Variants in ZNF606 observed in about 807,000 individuals in gnomAD.
ZNF606 encodes zinc finger protein 606.
Under a neutral mutation model 74.9 loss-of-function variants are expected in ZNF606, and 37 were observed. That is an observed-to-expected ratio of 0.49 (90% CI 0.38 to 0.65). The LOEUF (loss-of-function observed/expected upper bound fraction) is 0.65, where lower values mean the gene tolerates loss of function less well. Among genes scored for constraint, ZNF606 ranks in the 30% least tolerant of loss-of-function variants. The probability of loss-of-function intolerance (pLI) is 0.00; values close to 1 mark genes in which losing one functional copy is unlikely to be tolerated. For synonymous variants in ZNF606, 328 were observed against 312.4 expected (o/e 1.05, Z -0.53); for missense variants, 852 against 952.9 (o/e 0.89, Z 1.39).
At chr19:57,983,950 C>A (rs2073127741) in intron 6 of ZNF606, among the ~76,000 whole-genome samples, 1 of 152,170 alleles carries the variant, frequency 6.6e-6, no homozygotes, top group African/African-American at 2.4e-5. Context: ...TGACAGGGAT[C>A]TCATAATCAA....
rs2073020600 is a variant in ZNF606 at position 57,978,328 on chromosome 19, T to C, written c.2352A>G (p.Arg784=). The C allele has an allele frequency of 6.4e-7, 1 of 1,572,832 alleles. No homozygotes were observed. The highest frequency in any genetic ancestry group is 1.9e-5 in the Admixed American group (1 of 52,340). The change falls in exon 7 of 7, where the codon AGA becomes AGG. Residue 784 remains arginine, a synonymous_variant. Coordinates refer to ENST00000551380, the MANE Select transcript of ZNF606 (RefSeq NM_001348022.3). This position sits in a 1 kb window ranked among gnomAD's most constrained non-coding sequence, Gnocchi z 4.4. ...SGHSALLQHQ[R]NHSEEKLN is the part of the protein sequence containing the mutation. ...AATTCAGTTTCTCTTCACTGTGATT[T>C]CTCTGGTGTTGAAGTAGGGCTGAGT...
intron 6 of ZNF606, among the ~76,000 whole-genome samples, chr19:57,987,565 T>C (rs1033719214): frequency 2.0e-5 from 3 of 152,238 alleles, no homozygotes; most frequent in East Asian, 3.9e-4. Context: ...CGGTGGCTCA[T>C]GCCTGTAATC....
rs1345328826 is a variant in ZNF606 at position 57,978,982 on chromosome 19, T to C, written c.1698A>G (p.Lys566=). 6.2e-7 allele frequency: 1 copy of C among 1,613,992 alleles called. No individual in the cohort carries two copies. Among genetic ancestry groups the C allele is most frequent in the African/African-American group, 1.3e-5 (1 of 74,892 alleles). ...SKHERTHSGA[K]PYKCTECGKS... is the part of the protein sequence containing the mutation. ...TTCCACATTCAGTACATTTATATGG[T>C]TTTGCTCCAGAATGAGTTCTTTCAT... Residue 566 remains lysine (K), a synonymous_variant, in exon 7 of 7, where the codon AAA becomes AAG. Coordinates refer to ENST00000551380, the MANE Select transcript of ZNF606 (RefSeq NM_001348022.3). The surrounding 1 kb of genome is among the most constrained non-coding windows in gnomAD (Gnocchi z 4.4).
At chr19:57,995,422 C>T (rs752877678) in intron 4 of ZNF606, among the ~76,000 whole-genome samples, 23 of 151,962 alleles carry the variant, frequency 1.5e-4, no homozygotes, top group Non-Finnish European at 2.9e-4. Context: ...CACTCGGCAG[C>T]GCAAAAGGAA....
At chr19:57,995,082 T>C (rs2073314318) in intron 4 of ZNF606, among the ~76,000 whole-genome samples, 1 of 151,176 alleles carries the variant, frequency 6.6e-6, no homozygotes, top group South Asian at 2.1e-4. Context: ...TCCCAGCTAC[T>C]TGGGAGGCTG....
intron 4 of ZNF606, among the ~76,000 whole-genome samples, chr19:57,992,363 T>C (rs1436449482): frequency 6.6e-6 from 1 of 152,156 alleles, no homozygotes; most frequent in African/African-American, 2.4e-5. Context: ...GCACCACCTA[T>C]GAAGTATTCT....
At chr19:57,998,046 G>C (rs2073364141) in intron 4 of ZNF606, 1 of 152,096 alleles carries the variant, frequency 6.6e-6, no homozygotes, top group Non-Finnish European at 1.5e-5. Context: ...TTAATTTGAG[G>C]GGGAGGCACA....
upstream of ZNF606, chr19:58,003,054 G>A (rs555421606): frequency 4.9e-5 from 20 of 411,984 alleles, no homozygotes; most frequent in South Asian, 3.2e-4. Flanking sequence ...TGGGTAAGTC[G>A]CGGCCCCGCG....
rs1333935411 is a variant in ZNF606, at chr19:57,979,528, G to A, written c.1152C>T (p.Asp384=). Residue 384 remains aspartate, a synonymous_variant, in exon 7 of 7, where the codon GAC becomes GAT. Coordinates refer to ENST00000551380, the MANE Select transcript of ZNF606 (RefSeq NM_001348022.3). ...TGCTTGTATGTTGAGTAAGGAAAGA[G>A]TCATACCCAAAGACTTTCTCCCATT... ...YNEWEKVFGY[D]SFLTQHTSTY... 6.2e-7 allele frequency: 1 copy of A among 1,613,484 alleles called. No individual in the cohort carries two copies. The highest frequency in any genetic ancestry group is 1.1e-5 in the South Asian group (1 of 90,890).
Position 57,979,373 on chromosome 19 carries a change from A to T in ZNF606, c.1307T>A (p.Val436Asp). The change falls in exon 7 of 7, where the codon GTT (valine) becomes GAT (aspartate). Residue 436 changes from valine to aspartate, a missense_variant. Physicochemically the swap from Val to Asp is radical, Grantham distance 152 (BLOSUM62 -3). This residue lies in a region of ZNF606 where 545 missense variants were observed against 542.5 expected (regional missense o/e 1.00). Transcript: ENST00000551380. Reference protein sequence around the residue: ...KPYECDKCGKVFRNRSALTKH... With the variant: ...KPYECDKCGKDFRNRSALTKH... ...CGTAAGGGCTGAGCGATTCCTAAAA[A>T]CTTTTCCACATTTATCACATTCATA... The T allele has an allele frequency of 6.2e-7, 1 of 1,612,542 alleles. No homozygotes were observed. Among genetic ancestry groups the T allele is most frequent in the East Asian group, 2.2e-5 (1 of 44,818 alleles).
At chr19:57,988,335 C>A in intron 5 of ZNF606, 33 bp from the exon 6 acceptor site, 1 of 1,598,592 alleles carries the variant, frequency 6.3e-7, no homozygotes, top group South Asian at 1.1e-5. Context: ...GAAATCATGT[C>A]ATGAGGCTTC....
At chr19:57,983,362 G>A (rs1568575309) in intron 6 of ZNF606, among the ~76,000 whole-genome samples, 2 of 152,096 alleles carry the variant, frequency 1.3e-5, no homozygotes, top group Non-Finnish European at 2.9e-5. Context: ...ATTACCTGAG[G>A]TCAGGAGTTC....
intron 4 of ZNF606, among the ~76,000 whole-genome samples, chr19:57,991,066 TCTC>T (rs2073251441): frequency 6.6e-6 from 1 of 152,080 alleles, no homozygotes; most frequent in African/African-American, 2.4e-5. Context: ...TGACAGTCCA[TCTC>T]CTCCTGCAAG....
At chr19:57,985,895 C>T (rs2073156558) in intron 6 of ZNF606, among the ~76,000 whole-genome samples, 1 of 151,962 alleles carries the variant, frequency 6.6e-6, no homozygotes, top group African/African-American at 2.4e-5. Context: ...GATCGCGCCA[C>T]TGCACTCCAG....
In ZNF606 at chr19:57,978,347, G is replaced by A; in HGVS notation, c.2333C>T (p.Ala778Val). 1 of 1,599,546 alleles carries A rather than the reference G, an allele frequency of 6.3e-7. No homozygotes were observed. The highest frequency in any genetic ancestry group is 8.5e-7 in the Non-Finnish European group (1 of 1,169,674). The change falls in exon 7 of 7, where the codon GCC (alanine) becomes GTC (valine). Residue 778 changes from alanine (A) to valine (V), a missense_variant. Physicochemically the swap from Ala to Val is moderately conservative, Grantham distance 64 (BLOSUM62 0). This residue lies in a region of ZNF606 where 64 missense variants were observed against 51.1 expected (regional missense o/e 1.25). Transcript: ENST00000551380. The surrounding 1 kb of genome is among the most constrained non-coding windows in gnomAD (Gnocchi z 4.4). ...GTGATTTCTCTGGTGTTGAAGTAGGGCTGAGTGACCACTAAAGGCTTTTCC... is the reference window on the plus strand; with the variant it reads ...GTGATTTCTCTGGTGTTGAAGTAGGACTGAGTGACCACTAAAGGCTTTTCC... ...ECGKAFSGHS[A>V]LLQHQRNHSE...
In ZNF606 at chr19:57,980,001, G is replaced by C. The variant is rs2073058547; in HGVS notation, c.679C>G (p.Pro227Ala). Reference sequence around the variant, plus strand: ...TCTATCTGAGAAACTCTCTGAGATGGAACAAAGTTTAAGTTCTGGCTAAAC... The same window carrying C: ...TCTATCTGAGAAACTCTCTGAGATGCAACAAAGTTTAAGTTCTGGCTAAAC... ...AEFSQNLNFV[P>A]SQRVSQIEHF... Residue 227 changes from proline to alanine, a missense_variant, in exon 7 of 7, where the codon CCA (proline) becomes GCA (alanine). Pro to Ala is a conservative substitution (Grantham distance 27, BLOSUM62 -1). Around this residue, in one of 3 missense-constraint regions of ZNF606, gnomAD observed 545 missense variants for 542.5 expected, o/e 1.00. Coordinates refer to ENST00000551380, the MANE Select transcript of ZNF606 (RefSeq NM_001348022.3). 1 of 1,613,688 alleles carries C rather than the reference G, an allele frequency of 6.2e-7. No homozygotes were observed. The highest frequency in any genetic ancestry group is 8.5e-7 in the Non-Finnish European group (1 of 1,180,030).
chr19:58,001,176 G>A lies in ZNF606; in HGVS notation c.31+113C>T. ...CCAATCAGTTCTAATTTTGTACCAA[G>A]ATAGACAGACCCCCTTCCATCCTCA... is the stretch of plus-strand genomic sequence containing the variant. On this transcript the variant is annotated intron_variant, in intron 2 of 6. Coordinates refer to ENST00000551380, the MANE Select transcript of ZNF606 (RefSeq NM_001348022.3). The A allele has an allele frequency of 2.3e-6, 3 of 1,287,296 alleles. No individual in the cohort carries two copies. The South Asian group carries it at 3.8e-5, about 16-fold the overall frequency. 79.7% of individuals were successfully genotyped at this position (1,287,296 alleles called of 1,614,324 possible).
At chr19:57,989,446 A>T (rs564195690) in intron 4 of ZNF606, among the ~76,000 whole-genome samples, 6 of 151,806 alleles carry the variant, frequency 4.0e-5, no homozygotes, top group South Asian at 2.1e-4. Context: ...TTTTATTATT[A>T]TTTTTTAATT....
chr19:57,994,425 A>G (rs2073305097), intron 4 of ZNF606, among the ~76,000 whole-genome samples: 2 of 152,226 alleles, frequency 1.3e-5, no homozygotes, highest in African/African-American at 4.8e-5. Context: ...TTAAAATAAG[A>G]CACACAGAAA....
Sources: allele counts gnomAD v4.1 joint callset (sites outside exome capture counted in the v4.1 genomes callset), GRCh38; gene constraint gnomAD v4.1.1; regional missense constraint gnomAD v4.1.1; non-coding constraint Gnocchi (gnomAD v3.1); transcripts MANE v1.5; gene names NCBI Gene and HGNC (gene_info 2026-07-23, HGNC 2026-07-21).